PDCD6IP: variants seen among roughly 807,000 people sequenced by gnomAD.
PDCD6IP encodes the protein programmed cell death 6-interacting protein.
PDCD6IP carries 43 observed loss-of-function variants against 103.7 expected under a neutral mutation model. That is an observed-to-expected ratio of 0.41 (90% confidence interval 0.32 to 0.53). The LOEUF is 0.53. Among genes scored for constraint, PDCD6IP ranks in the 20% least tolerant of loss-of-function variants. PDCD6IP has a pLI of 0.16. For synonymous variants in PDCD6IP, 354 were observed against 378.7 expected (o/e 0.93, Z 0.76); for missense variants, 871 against 1,036.7 (o/e 0.84, Z 2.20).
intron 3 of PDCD6IP, among the ~76,000 whole-genome samples, chr3:33,817,709 C>G (rs536556070): frequency 6.6e-6 from 1 of 151,498 alleles, no homozygotes; most frequent in Non-Finnish European, 1.5e-5. Flanking sequence ...GCCATGATCA[C>G]GCCACTGTAC....
chr3:33,849,263 G>C (rs1469041638), intron 12 of PDCD6IP, among the ~76,000 whole-genome samples: 1 of 151,176 alleles, frequency 6.6e-6, no homozygotes, highest in Non-Finnish European at 1.5e-5. Context: ...TGCCAAGCTT[G>C]TGCCTGCCAC....
chr3:33,862,477 C>T (rs1697975788), intron 15 of PDCD6IP, among the ~76,000 whole-genome samples: 1 of 151,838 alleles, frequency 6.6e-6, no homozygotes, highest in East Asian at 1.9e-4. Flanking sequence ...TGCATTTTAC[C>T]TTAGGTATTG....
chr3:33,838,739 AATT>A (rs919999502), intron 9 of PDCD6IP, among the ~76,000 whole-genome samples: 87 of 151,712 alleles, frequency 5.7e-4, no homozygotes, highest in African/African-American at 5.8e-4. Flanking sequence ...TGCACAGTTC[AATT>A]ATTATATGTA....
intron 1 of PDCD6IP, among the ~76,000 whole-genome samples, chr3:33,808,032 A>G (rs1042551187): frequency 3.3e-5 from 5 of 152,208 alleles, no homozygotes; most frequent in South Asian, 4.1e-4. Flanking sequence ...TTTAGGTTTT[A>G]TTTTTCAGAG....
Position 33,812,077 on chromosome 3 carries a change from A to G in PDCD6IP, c.215A>G (p.Tyr72Cys). 6.3e-7 allele frequency: 1 copy of G among 1,593,692 alleles called. No individual in the cohort carries two copies. ...AATTCTGCTCTATTTTTTAGATATTATGATCAGATTTGTTCTATTGAACCC... is the reference window on the plus strand; with the variant it reads ...AATTCTGCTCTATTTTTTAGATATTGTGATCAGATTTGTTCTATTGAACCC... ...EGALETLLRY[Y>C]DQICSIEPKF... The change falls in exon 2 of 18, where the codon TAT (tyrosine) becomes TGT (cysteine). Residue 72 changes from tyrosine to cysteine, a missense_variant. Physicochemically the swap from Tyr to Cys is radical, Grantham distance 194. Transcript: ENST00000307296.
At chr3:33,857,680 A>G (rs1250948681) in intron 15 of PDCD6IP, among the ~76,000 whole-genome samples, 1 of 152,232 alleles carries the variant, frequency 6.6e-6, no homozygotes, top group African/African-American at 2.4e-5. Context: ...ATCAAAGGAA[A>G]GATCACAGGT....
chr3:33,863,817 T>C (rs967008508), intron 15 of PDCD6IP, 189 bp from the exon 16 acceptor site: 50 of 555,750 alleles, frequency 9.0e-5, no homozygotes, highest in Admixed American at 8.9e-4. Context: ...CTAGTTTTAG[T>C]TTTTTGAGGG....
chr3:33,861,785 T>A (rs140688658), intron 15 of PDCD6IP, among the ~76,000 whole-genome samples: 1,663 of 152,346 alleles, frequency 0.011, 21 homozygotes, highest in Non-Finnish European at 0.014. Context: ...GACTAATATG[T>A]CCTTTTTATA....
At chr3:33,852,437 CTTTTTT>C (rs59048229) in intron 12 of PDCD6IP, 45 bp from the exon 13 acceptor site, 119 of 1,042,080 alleles carry the variant, frequency 1.1e-4, no homozygotes, top group Middle Eastern at 3.5e-4. Flanking sequence ...TCGAAATTGG[CTTTTTT>C]TTTTTTTTTT....
At chr3:33,802,800 G>T (rs6809978) in intron 1 of PDCD6IP, among the ~76,000 whole-genome samples, 1 of 151,822 alleles carries the variant, frequency 6.6e-6, no homozygotes, top group East Asian at 1.9e-4. Context: ...AATCTCTGAC[G>T]TTTTTTTGAG....
intron 12 of PDCD6IP, among the ~76,000 whole-genome samples, chr3:33,846,647 C>T (rs372801605): frequency 1.3e-5 from 2 of 152,106 alleles, no homozygotes; most frequent in African/African-American, 2.4e-5. Flanking sequence ...AAAAAGTAAA[C>T]GTGTAGGATC....
At chr3:33,849,105 A>G (rs1487245740) in intron 12 of PDCD6IP, among the ~76,000 whole-genome samples, 1 of 152,224 alleles carries the variant, frequency 6.6e-6, no homozygotes, top group East Asian at 1.9e-4. Flanking sequence ...TCCTTTACCA[A>G]AAAAGTTTTT....
intron 15 of PDCD6IP, 32 bp from the exon 16 acceptor site, chr3:33,863,974 A>C: frequency 1.4e-6 from 2 of 1,443,672 alleles, no homozygotes; most frequent in Non-Finnish European, 1.9e-6. Context: ...TTTTTCTATC[A>C]TGTTAATTTT....
At chr3:33,814,294 C>A (rs1259099997) in intron 3 of PDCD6IP, among the ~76,000 whole-genome samples, 1 of 151,958 alleles carries the variant, frequency 6.6e-6, no homozygotes, top group African/African-American at 2.4e-5. Context: ...GCACCCGCCA[C>A]CACACCTGGG....
rs374788254 is a variant in PDCD6IP, at chr3:33,846,695, T to C, written c.1641+1107T>C. On this transcript the variant is annotated intron_variant, in intron 12 of 17. Transcript: ENST00000307296. ...AGTAGTGGCTGTGTCTAGAGAGTTA[T>C]CCGAGGTACAGAGGATCTGCAAAGA... 6.6e-5 allele frequency among the ~76,000 whole-genome samples: 10 copies of C among 152,322 alleles called. No homozygotes were observed. In the East Asian group the frequency reaches 1.3e-3, roughly 21 times the overall value.
intron 6 of PDCD6IP, chr3:33,826,923 G>T (rs1697140081): frequency 7.9e-6 from 8 of 1,016,774 alleles, no homozygotes; most frequent in Non-Finnish European, 8.2e-6. Flanking sequence ...GTATACTTGA[G>T]CATGTTGATG....
At chr3:33,857,353 G>A (rs1420364423) in intron 15 of PDCD6IP, among the ~76,000 whole-genome samples, 1 of 151,954 alleles carries the variant, frequency 6.6e-6, no homozygotes, top group Non-Finnish European at 1.5e-5. Context: ...GCTAATTTTT[G>A]TATTTTTAGT....
intron 11 of PDCD6IP, among the ~76,000 whole-genome samples, chr3:33,845,091 A>G (rs940224683): frequency 6.6e-5 from 10 of 152,072 alleles, no homozygotes; most frequent in African/African-American, 2.4e-4. Context: ...CTTTTAAAAT[A>G]AATGGACCAG....
In PDCD6IP at chr3:33,828,880, C is replaced by T; in HGVS notation, c.745C>T (p.His249Tyr). The T allele has an allele frequency of 6.2e-7, 1 of 1,612,894 alleles. No homozygotes were observed. The highest frequency in any genetic ancestry group is 1.7e-4 in the Middle Eastern group (1 of 6,058). The change falls in exon 7 of 18, where the codon CAC becomes TAC. Residue 249 changes from histidine (H) to tyrosine (Y), a missense_variant. Physicochemically the swap from His to Tyr is moderately conservative, Grantham distance 83 (BLOSUM62 2). Around this residue, in one of 5 missense-constraint regions of PDCD6IP, gnomAD observed 242 missense variants for 250.7 expected, o/e 0.97. Transcript: ENST00000307296. ...GGTGTTCCCTGTCTTGGCTGCAAAG[C>T]ACTGTATCATGCAGGCCAATGCTGA... The part of the protein sequence containing the change: ...KEVFPVLAAK[H>Y]CIMQANAEYH...
Sources: gnomAD v4.1 joint callset for allele counts (sites outside exome capture counted in the v4.1 genomes callset) on GRCh38, gnomAD v4.1.1 for gene constraint, gnomAD v4.1.1 regional missense constraint, MANE v1.5 for transcripts, NCBI Gene and HGNC (gene_info 2026-07-23, HGNC 2026-07-21) for gene names.